The following TRHDE variants were observed in gnomAD, a reference collection of about 807,000 sequenced individuals.
TRHDE encodes the protein thyrotropin-releasing hormone-degrading ectoenzyme.
A neutral mutation model predicts 125.7 loss-of-function variants in TRHDE; 72 were observed. The observed-to-expected ratio is 0.57, with a 90% CI of 0.47 to 0.70. The LOEUF (loss-of-function observed/expected upper bound fraction) is 0.70, where lower values mean the gene tolerates loss of function less well. Among genes scored for constraint, TRHDE ranks in the 30% least tolerant of loss-of-function variants. The probability of loss-of-function intolerance (pLI) is 0.00; values close to 1 mark genes in which losing one functional copy is unlikely to be tolerated. For synonymous variants in TRHDE, 509 were observed against 509.1 expected (o/e 1.00, Z 0.00); for missense variants, 1,110 against 1,327.1 (o/e 0.84, Z 2.54).
intron 4 of TRHDE, 66 bp downstream of exon 4, chr12:72,469,978 C>A: frequency 6.7e-7 from 1 of 1,488,608 alleles, no homozygotes; most frequent in Non-Finnish European, 9.2e-7. Flanking sequence ...TGAATACCTA[C>A]ATTAAGAGCT....
intron 2 of TRHDE, among the ~76,000 whole-genome samples, chr12:72,343,149 G>C (rs1173911585): frequency 6.6e-6 from 1 of 151,950 alleles, no homozygotes; most frequent in Non-Finnish European, 1.5e-5. Context: ...TGATGATGTC[G>C]ACTTGAATCA....
intron 2 of TRHDE, among the ~76,000 whole-genome samples, chr12:72,215,344 G>A (rs1877865458): frequency 6.6e-6 from 1 of 152,014 alleles, no homozygotes; most frequent in African/African-American, 2.4e-5. Flanking sequence ...GTTAAGGTGG[G>A]GCAGGGCATA....
intron 15 of TRHDE, among the ~76,000 whole-genome samples, chr12:72,651,789 T>G (rs953651382): frequency 4.2e-4 from 64 of 152,142 alleles, no homozygotes; most frequent in African/African-American, 1.5e-3. Flanking sequence ...CTACTTATAT[T>G]TTGGTATCTG....
At chr12:72,422,593 T>A (rs1874006046) in intron 3 of TRHDE, among the ~76,000 whole-genome samples, 1 of 152,216 alleles carries the variant, frequency 6.6e-6, no homozygotes, top group Non-Finnish European at 1.5e-5. Context: ...TTTCATTTTA[T>A]TCTTCCTGGA....
intron 15 of TRHDE, among the ~76,000 whole-genome samples, chr12:72,651,937 G>C (rs1456789305): frequency 6.6e-6 from 1 of 151,860 alleles, no homozygotes; most frequent in Admixed American, 6.6e-5. Context: ...GTCCTCAACT[G>C]GTACTTTCTT....
intron 12 of TRHDE, among the ~76,000 whole-genome samples, chr12:72,610,321 T>C (rs954175148): frequency 2.0e-5 from 3 of 152,236 alleles, no homozygotes; most frequent in African/African-American, 7.2e-5. Context: ...TGTTTTTATG[T>C]CATTCATTTC....
chr12:72,215,293 G>A (rs1489328530), intron 2 of TRHDE, among the ~76,000 whole-genome samples: 1 of 152,086 alleles, frequency 6.6e-6, no homozygotes, highest in Admixed American at 6.6e-5. Flanking sequence ...GTTAAGGCAA[G>A]GACCGGCCAT....
At chr12:72,520,224 G>T (rs564655121) in intron 6 of TRHDE, among the ~76,000 whole-genome samples, 7 of 152,208 alleles carry the variant, frequency 4.6e-5, no homozygotes, top group African/African-American at 1.7e-4. Flanking sequence ...GCAATGGCGG[G>T]CGCCCCTCCC....
At chr12:72,356,846 C>G (rs1870847469) in intron 2 of TRHDE, among the ~76,000 whole-genome samples, 1 of 151,432 alleles carries the variant, frequency 6.6e-6, no homozygotes, top group Non-Finnish European at 1.5e-5. Context: ...TATGAAACTC[C>G]AAGCACAAAG....
intron 2 of TRHDE, among the ~76,000 whole-genome samples, chr12:72,176,545 A>G (rs2139338689): frequency 6.6e-6 from 1 of 152,358 alleles, no homozygotes. Flanking sequence ...ATGAGTAAAT[A>G]CATGCTATCT....
intron 3 of TRHDE, among the ~76,000 whole-genome samples, chr12:72,451,578 T>TTG (rs1875572410): frequency 7.9e-5 from 12 of 151,830 alleles, no homozygotes; most frequent in Non-Finnish European, 1.5e-4. Flanking sequence ...GGCTTTGTTT[T>TTG]TTGTTGTTGT....
chr12:72,544,772 A>ATG (rs557228020), intron 7 of TRHDE, among the ~76,000 whole-genome samples: 246 of 151,576 alleles, frequency 1.6e-3, no homozygotes, highest in African/African-American at 5.5e-3. Context: ...ATACATGTAT[A>ATG]TGTGTGTGTG....
chr12:72,273,680 G>A lies in TRHDE; in HGVS notation c.914+123G>A. The A allele has an allele frequency of 3.2e-6, 3 of 950,758 alleles. No individual in the cohort carries two copies. Among genetic ancestry groups the A allele is most frequent in the Non-Finnish European group, 4.7e-6 (3 of 637,394 alleles). 58.9% of individuals were successfully genotyped at this position (950,758 alleles called of 1,614,324 possible). On this transcript the variant is annotated intron_variant, in intron 1 of 18. Coordinates refer to ENST00000261180, the MANE Select transcript of TRHDE (RefSeq NM_013381.3). This position sits in a 1 kb window ranked among gnomAD's most constrained non-coding sequence, Gnocchi z 5.3. ...CCCGGGAAGCCAGGGGTGGGGGGAAGGAAACGAAAGCGGAGTAGGGCAGTC... is the reference window on the plus strand; with the variant it reads ...CCCGGGAAGCCAGGGGTGGGGGGAAAGAAACGAAAGCGGAGTAGGGCAGTC...
chr12:72,386,009 C>A (rs138008391), intron 3 of TRHDE, among the ~76,000 whole-genome samples: 1 of 152,154 alleles, frequency 6.6e-6, no homozygotes, highest in Non-Finnish European at 1.5e-5. Context: ...TTGTGCTCAG[C>A]AATGATAGTA....
At chr12:72,476,242 C>T (rs1489130765) in intron 5 of TRHDE, among the ~76,000 whole-genome samples, 1 of 152,134 alleles carries the variant, frequency 6.6e-6, no homozygotes, top group Non-Finnish European at 1.5e-5. Flanking sequence ...AAAAAGCTTT[C>T]TGCTATTTGA....
chr12:72,372,043 T>G (rs972507881), intron 2 of TRHDE, among the ~76,000 whole-genome samples: 29 of 152,166 alleles, frequency 1.9e-4, no homozygotes, highest in Non-Finnish European at 3.4e-4. Flanking sequence ...CCACATCCTC[T>G]CCAGCACCTG....
At chr12:72,417,359 A>G (rs934058774) in intron 3 of TRHDE, among the ~76,000 whole-genome samples, 7 of 152,038 alleles carry the variant, frequency 4.6e-5, no homozygotes, top group Admixed American at 6.6e-5. Context: ...GGCAGAGATT[A>G]ACAATTAGAC....
At chr12:72,142,870 C>T (rs551971185) in intron 2 of TRHDE, among the ~76,000 whole-genome samples, 1 of 152,212 alleles carries the variant, frequency 6.6e-6, no homozygotes, top group South Asian at 2.1e-4. Flanking sequence ...TCCCACTCCA[C>T]TCCCCTTTCC....
At chr12:72,554,248 A>G (rs910175867) in intron 7 of TRHDE, among the ~76,000 whole-genome samples, 11 of 151,830 alleles carry the variant, frequency 7.2e-5, no homozygotes, top group Non-Finnish European at 1.6e-4. Context: ...TTTCCCATTT[A>G]TCTTGCTATT....
Sources: allele counts gnomAD v4.1 joint callset (sites outside exome capture counted in the v4.1 genomes callset), GRCh38; gene constraint gnomAD v4.1.1; non-coding constraint Gnocchi (gnomAD v3.1); transcripts MANE v1.5; gene names NCBI Gene and HGNC (gene_info 2026-07-23, HGNC 2026-07-21).